The following DNER variants were observed in gnomAD, a reference collection of about 807,000 sequenced individuals.
DNER encodes the protein delta/notch like EGF repeat containing.
Under a neutral mutation model 78.2 loss-of-function variants are expected in DNER, and 33 were observed. That is an observed-to-expected ratio of 0.42 (90% CI 0.32 to 0.56). DNER has a LOEUF of 0.56. Among genes scored for constraint, DNER ranks in the 20% least tolerant of loss-of-function variants. The probability of loss-of-function intolerance (pLI) is 0.11; values close to 1 mark genes in which losing one functional copy is unlikely to be tolerated. For synonymous variants in DNER, 417 were observed against 384.8 expected (o/e 1.08, Z -0.98); for missense variants, 918 against 975.3 (o/e 0.94, Z 0.78).
At chr2:229,682,765 T>C (rs1699406884) in intron 1 of DNER, among the ~76,000 whole-genome samples, 1 of 152,112 alleles carries the variant, frequency 6.6e-6, no homozygotes, top group South Asian at 2.1e-4. Context: ...GGAGAATCAC[T>C]TGAACCCAGG....
intron 6 of DNER, among the ~76,000 whole-genome samples, chr2:229,485,506 AGT>A (rs1440649845): frequency 1.3e-5 from 2 of 152,202 alleles, no homozygotes; most frequent in Non-Finnish European, 2.9e-5. Flanking sequence ...GAGAGAGAAG[AGT>A]GGCTAAGTTT....
In DNER at chr2:229,468,625, T is replaced by C. The variant is rs894426164; in HGVS notation, c.1261+8515A>G. On this transcript the variant is annotated intron_variant, in intron 7 of 12. Transcript: ENST00000341772. ...CCCGCCAAATTATCTTTAAAAACTCTGATCCCCGAAATATCAGAGATACTG... is the reference window on the plus strand; with the variant it reads ...CCCGCCAAATTATCTTTAAAAACTCCGATCCCCGAAATATCAGAGATACTG... Among the ~76,000 whole-genome samples the C allele has an allele frequency of 2.6e-5, 4 of 152,342 alleles. No homozygotes were observed. In the South Asian group the frequency reaches 6.2e-4, roughly 24 times the overall value.
intron 1 of DNER, among the ~76,000 whole-genome samples, chr2:229,668,782 T>C (rs999915590): frequency 5.3e-5 from 8 of 151,584 alleles, no homozygotes; most frequent in African/African-American, 1.9e-4. Flanking sequence ...GGAGTGTAAA[T>C]TAGTTCAACC....
At chr2:229,364,869 T>A (rs1313986799) in intron 12 of DNER, among the ~76,000 whole-genome samples, 1 of 124,556 alleles carries the variant, frequency 8.0e-6, no homozygotes, top group Non-Finnish European at 1.8e-5. Flanking sequence ...TTTTTTTTTT[T>A]AGGTAGAGTC....
intron 8 of DNER, among the ~76,000 whole-genome samples, chr2:229,425,081 A>G (rs1290766617): frequency 6.6e-6 from 1 of 152,164 alleles, no homozygotes; most frequent in Non-Finnish European, 1.5e-5. Flanking sequence ...CATCAGAGCA[A>G]AAGGATTTCT....
At chr2:229,478,265 T>C (rs1695079140) in intron 6 of DNER, among the ~76,000 whole-genome samples, 1 of 152,224 alleles carries the variant, frequency 6.6e-6, no homozygotes, top group Non-Finnish European at 1.5e-5. Context: ...CAGTTTTAAC[T>C]ACATAAAATC....
chr2:229,407,490 C>T (rs1419760276), intron 9 of DNER, 145 bp from the exon 10 acceptor site: 5 of 555,630 alleles, frequency 9.0e-6, no homozygotes. Flanking sequence ...CACACGTGCC[C>T]ACTCATGATT....
At chr2:229,570,414 C>T (rs539181890) in intron 4 of DNER, among the ~76,000 whole-genome samples, 2 of 152,228 alleles carry the variant, frequency 1.3e-5, no homozygotes, top group East Asian at 3.9e-4. Flanking sequence ...TGGCAAATCA[C>T]CTGAGGTCAG....
At chr2:229,587,375 G>A (rs1697521348) in intron 3 of DNER, among the ~76,000 whole-genome samples, 1 of 152,138 alleles carries the variant, frequency 6.6e-6, no homozygotes, top group East Asian at 1.9e-4. Flanking sequence ...GAATTCCCAA[G>A]CAGCCCTTCC....
At chr2:229,368,266 G>A (rs1021466259) in intron 11 of DNER, among the ~76,000 whole-genome samples, 10 of 152,216 alleles carry the variant, frequency 6.6e-5, no homozygotes, top group Middle Eastern at 3.4e-3. Flanking sequence ...AGGAAGCTGA[G>A]GCTAGAGAAT....
At chr2:229,587,423 T>C in intron 3 of DNER, among the ~76,000 whole-genome samples, 1 of 152,236 alleles carries the variant, frequency 6.6e-6, no homozygotes, top group African/African-American at 2.4e-5. Flanking sequence ...AAGGCTGTGG[T>C]GACCCAGGGT....
chr2:229,624,229 A>G (rs568646662), intron 1 of DNER, among the ~76,000 whole-genome samples: 2 of 152,332 alleles, frequency 1.3e-5, no homozygotes, highest in South Asian at 4.1e-4. Context: ...GAATATAACA[A>G]AAGGAAAACA....
intron 4 of DNER, among the ~76,000 whole-genome samples, chr2:229,566,551 A>G (rs1697112602): frequency 6.6e-6 from 1 of 152,162 alleles, no homozygotes; most frequent in African/African-American, 2.4e-5. Flanking sequence ...TTTCTAGTTC[A>G]TATTAGCATT....
At chr2:229,519,341 A>G (rs1696046973) in intron 5 of DNER, among the ~76,000 whole-genome samples, 1 of 152,154 alleles carries the variant, frequency 6.6e-6, no homozygotes, top group Non-Finnish European at 1.5e-5. Context: ...TATGGATCAG[A>G]ACTTATAATT....
chr2:229,443,923 G>T (rs1408283677), intron 8 of DNER, among the ~76,000 whole-genome samples: 1 of 152,130 alleles, frequency 6.6e-6, no homozygotes, highest in Non-Finnish European at 1.5e-5. Context: ...ATTTTACACA[G>T]TCACCTAACA....
intron 1 of DNER, among the ~76,000 whole-genome samples, chr2:229,667,406 G>T (rs1385672960): frequency 6.6e-6 from 1 of 152,220 alleles, no homozygotes; most frequent in African/African-American, 2.4e-5. Context: ...GCTGCAAAGA[G>T]TTTCTGACAA....
intron 6 of DNER, among the ~76,000 whole-genome samples, chr2:229,498,843 A>T (rs1234163412): frequency 6.6e-6 from 1 of 152,228 alleles, no homozygotes; most frequent in Non-Finnish European, 1.5e-5. Context: ...TATCTAAAGC[A>T]ATCTACAGAT....
chr2:229,699,376 G>GT (rs1036291728), intron 1 of DNER, among the ~76,000 whole-genome samples: 2 of 151,960 alleles, frequency 1.3e-5, no homozygotes, highest in Admixed American at 6.5e-5. Flanking sequence ...TTTTTTTGTT[G>GT]TTTTTTTGAG....
intron 1 of DNER, among the ~76,000 whole-genome samples, chr2:229,684,101 A>AGTGTGTGTGTGT (rs377602119): frequency 1.0e-4 from 13 of 129,922 alleles, no homozygotes; most frequent in African/African-American, 2.4e-4. Context: ...TACCTACCAG[A>AGTGTGTGTGTGT]GTGTGTGTGT....
Sources: allele counts gnomAD v4.1 joint callset (sites outside exome capture counted in the v4.1 genomes callset), GRCh38; gene constraint gnomAD v4.1.1; transcripts MANE v1.5; gene names NCBI Gene and HGNC (gene_info 2026-07-23, HGNC 2026-07-21).